Variants in SGCZ observed in about 807,000 individuals in gnomAD.
SGCZ encodes zeta-sarcoglycan.
Under a neutral mutation model 41.3 loss-of-function variants are expected in SGCZ, and 40 were observed. That is an observed-to-expected ratio of 0.97 (90% confidence interval 0.75 to 1.26). The LOEUF (loss-of-function observed/expected upper bound fraction) is 1.26, where lower values mean the gene tolerates loss of function less well. Among genes scored for constraint, SGCZ ranks in the 50% most tolerant of loss-of-function variants. The pLI, the probability that SGCZ is intolerant of heterozygous loss-of-function variation, is 0.00. For synonymous variants in SGCZ, 206 were observed against 137.5 expected (o/e 1.50, Z -3.49); for missense variants, 552 against 369.8 (o/e 1.49, Z -4.04).
At chr8:14,210,989 T>C (rs1805786264) in intron 4 of SGCZ, among the ~76,000 whole-genome samples, 1 of 152,208 alleles carries the variant, frequency 6.6e-6, no homozygotes, top group Non-Finnish European at 1.5e-5. Context: ...GAAACCCACT[T>C]CAAGCTATAT....
intron 7 of SGCZ, among the ~76,000 whole-genome samples, chr8:14,102,090 AT>A (rs1563127073): frequency 1.7e-5 from 1 of 57,360 alleles, no homozygotes; most frequent in Non-Finnish European, 4.2e-5. Context: ...ATATATATAT[AT>A]ATATATATAT....
rs868376588 is a variant in SGCZ, at chr8:14,623,216, C to G, written c.40-68290G>C. Among the ~76,000 whole-genome samples the G allele has an allele frequency of 2.0e-5, 3 of 152,246 alleles. 1 individual carries two copies. Among genetic ancestry groups the G allele is most frequent in the Middle Eastern group, 6.8e-3 (2 of 294 alleles). On this transcript the variant is annotated intron_variant, in intron 1 of 7. Coordinates refer to ENST00000382080, the MANE Select transcript of SGCZ (RefSeq NM_139167.4). Reference sequence around the variant, plus strand: ...AATCAAGATGAATATAACACCAATGCAAAGAAAAGTTAGAAATTCAAATCA... The same window carrying G: ...AATCAAGATGAATATAACACCAATGGAAAGAAAAGTTAGAAATTCAAATCA...
At chr8:14,331,327 G>C (rs937597192) in intron 2 of SGCZ, among the ~76,000 whole-genome samples, 3 of 151,978 alleles carry the variant, frequency 2.0e-5, no homozygotes, top group African/African-American at 7.2e-5. Context: ...TCTAATTAAA[G>C]AGGAGGAGGT....
intron 1 of SGCZ, among the ~76,000 whole-genome samples, chr8:14,880,472 T>C (rs1282783972): frequency 6.6e-6 from 1 of 152,152 alleles, no homozygotes; most frequent in Non-Finnish European, 1.5e-5. Flanking sequence ...CAAAGGAGTA[T>C]AAATCATGCT....
rs76561216 is a variant in SGCZ at position 15,031,134 on chromosome 8, T to C, written c.39+206451A>G. Among the ~76,000 whole-genome samples the C allele has an allele frequency of 5.9e-3, 895 of 152,254 alleles. 2 individuals are homozygous for C. The highest frequency in any genetic ancestry group is 0.024 in the South Asian group (116 of 4,826). Reference sequence around the variant, plus strand: ...CAGAGTTTCATAAAACCAATCTGCATTGAGGTAGCTTTATTTTAAACAGGA... The same window carrying C: ...CAGAGTTTCATAAAACCAATCTGCACTGAGGTAGCTTTATTTTAAACAGGA... On this transcript the variant is annotated intron_variant, in intron 1 of 7. Coordinates refer to ENST00000382080, the MANE Select transcript of SGCZ (RefSeq NM_139167.4).
chr8:14,513,371 A>T (rs1802520700), intron 2 of SGCZ, among the ~76,000 whole-genome samples: 1 of 152,046 alleles, frequency 6.6e-6, no homozygotes, highest in African/African-American at 2.4e-5. Flanking sequence ...AAAGTATTTC[A>T]TTTTACTATA....
chr8:14,717,540 T>C (rs563879008), intron 1 of SGCZ, among the ~76,000 whole-genome samples: 1 of 152,126 alleles, frequency 6.6e-6, no homozygotes, highest in Admixed American at 6.6e-5. Context: ...CTGTCCATTC[T>C]CTCTAGTGAT....
chr8:14,669,736 T>C (rs1808043195), intron 1 of SGCZ, among the ~76,000 whole-genome samples: 1 of 151,700 alleles, frequency 6.6e-6, no homozygotes, highest in African/African-American at 2.4e-5. Flanking sequence ...ACACACAATA[T>C]TTTGTTCATT....
At chr8:15,127,604 G>C (rs1807753709) in intron 1 of SGCZ, among the ~76,000 whole-genome samples, 1 of 152,076 alleles carries the variant, frequency 6.6e-6, no homozygotes, top group Non-Finnish European at 1.5e-5. Context: ...TTTTGAAAAA[G>C]AGGACAGCCT....
intron 1 of SGCZ, among the ~76,000 whole-genome samples, chr8:15,042,779 C>T (rs914731713): frequency 4.6e-5 from 7 of 152,152 alleles, no homozygotes; most frequent in Non-Finnish European, 1.0e-4. Context: ...TTTAGTATTA[C>T]AGCACTTCCT....
chr8:14,187,667 G>C (rs1438405539), intron 4 of SGCZ, among the ~76,000 whole-genome samples: 5 of 151,922 alleles, frequency 3.3e-5, no homozygotes, highest in Admixed American at 6.6e-5. Context: ...AAAATCTGTA[G>C]AGAGAAAAAA....
chr8:14,181,956 G>A (rs1235270517), intron 4 of SGCZ, among the ~76,000 whole-genome samples: 1 of 152,066 alleles, frequency 6.6e-6, no homozygotes, highest in Non-Finnish European at 1.5e-5. Context: ...ACCCAATTAG[G>A]TTTCTCTGAC....
intron 2 of SGCZ, among the ~76,000 whole-genome samples, chr8:14,439,079 G>C (rs1800171449): frequency 6.6e-6 from 1 of 151,878 alleles, no homozygotes; most frequent in Non-Finnish European, 1.5e-5. Flanking sequence ...GGCAATATTA[G>C]CTTCTTGATA....
intron 1 of SGCZ, among the ~76,000 whole-genome samples, chr8:14,761,214 A>C (rs1799860554): frequency 1.3e-5 from 2 of 152,170 alleles, no homozygotes; most frequent in Admixed American, 6.5e-5. Context: ...AGGATTGAAA[A>C]ATTCACAATA....
At chr8:14,825,298 A>T (rs994902897) in intron 1 of SGCZ, among the ~76,000 whole-genome samples, 4 of 152,190 alleles carry the variant, frequency 2.6e-5, no homozygotes, top group African/African-American at 9.6e-5. Flanking sequence ...GTGTATCGTC[A>T]CTTATCTCTC....
intron 1 of SGCZ, among the ~76,000 whole-genome samples, chr8:14,851,335 C>T (rs1803313624): frequency 7.6e-6 from 1 of 132,418 alleles, no homozygotes; most frequent in South Asian, 2.4e-4. Flanking sequence ...TGCCACTGCA[C>T]TCCAGCCTGG....
intron 4 of SGCZ, among the ~76,000 whole-genome samples, chr8:14,216,963 C>A (rs1273043926): frequency 6.6e-6 from 1 of 152,030 alleles, no homozygotes; most frequent in East Asian, 1.9e-4. Flanking sequence ...TTGGTAGTGA[C>A]CCAAGGCCAC....
chr8:14,999,222 A>T (rs1802323822), intron 1 of SGCZ, among the ~76,000 whole-genome samples: 1 of 152,216 alleles, frequency 6.6e-6, no homozygotes, highest in African/African-American at 2.4e-5. Context: ...CTTAAGTGCA[A>T]AACATTATGG....
chr8:14,171,291 A>G (rs941084419), intron 4 of SGCZ, among the ~76,000 whole-genome samples: 2 of 151,660 alleles, frequency 1.3e-5, no homozygotes, highest in Non-Finnish European at 2.9e-5. Flanking sequence ...TCTACCATGC[A>G]TTTTCTGATA....
Sources: gnomAD v4.1 joint callset for allele counts (sites outside exome capture counted in the v4.1 genomes callset) on GRCh38, gnomAD v4.1.1 for gene constraint, MANE v1.5 for transcripts, NCBI Gene and HGNC (gene_info 2026-07-23, HGNC 2026-07-21) for gene names.